CDH12: variants seen among roughly 807,000 people sequenced by gnomAD.
CDH12 encodes cadherin-12.
Under a neutral mutation model 74.1 loss-of-function variants are expected in CDH12, and 41 were observed. The observed-to-expected ratio is 0.55, with a 90% CI of 0.43 to 0.72. The LOEUF is 0.72. Ranked by LOEUF, CDH12 falls within the 30% of genes least tolerant of loss-of-function variation. CDH12 has a pLI of 0.00. For synonymous variants in CDH12, 399 were observed against 355.0 expected (o/e 1.12, Z -1.39); for missense variants, 945 against 977.2 (o/e 0.97, Z 0.44).
chr5:22,688,508 A>G (rs1175867579), intron 1 of CDH12, among the ~76,000 whole-genome samples: 1 of 152,176 alleles, frequency 6.6e-6, no homozygotes, highest in Non-Finnish European at 1.5e-5. Context: ...TCCATTGGCC[A>G]ACTAATAGTG....
chr5:21,997,792 G>A (rs938344995), intron 5 of CDH12, among the ~76,000 whole-genome samples: 17 of 152,026 alleles, frequency 1.1e-4, no homozygotes, highest in Non-Finnish European at 1.3e-4. Context: ...AAGCGAAATC[G>A]ATCTGCAAAT....
At chr5:21,995,435 A>C (rs1050170609) in intron 5 of CDH12, among the ~76,000 whole-genome samples, 55 of 152,132 alleles carry the variant, frequency 3.6e-4, no homozygotes, top group African/African-American at 1.3e-3. Flanking sequence ...GAAGTTAATT[A>C]AATTTTAAAC....
intron 1 of CDH12, among the ~76,000 whole-genome samples, chr5:22,633,689 T>C (rs904871661): frequency 1.3e-5 from 2 of 152,206 alleles, no homozygotes; most frequent in Non-Finnish European, 2.9e-5. Context: ...TGAGAACTCC[T>C]GATTCTCAGG....
chr5:21,854,555 C>T, intron 7 of CDH12, 116 bp downstream of exon 7: 1 of 724,018 alleles, frequency 1.4e-6, no homozygotes, highest in Non-Finnish European at 2.3e-6. Flanking sequence ...GCTTAATGCG[C>T]ATCGCACTGA....
intron 1 of CDH12, among the ~76,000 whole-genome samples, chr5:22,824,124 A>G (rs1561057517): frequency 6.6e-6 from 1 of 152,196 alleles, no homozygotes. Context: ...GCATCAATGG[A>G]AACTAGAAGA....
At chr5:22,060,969 C>T (rs546462204) in intron 5 of CDH12, among the ~76,000 whole-genome samples, 1 of 152,272 alleles carries the variant, frequency 6.6e-6, no homozygotes, top group African/African-American at 2.4e-5. Flanking sequence ...TGAGTCCATT[C>T]TGTTAAGCAC....
intron 3 of CDH12, among the ~76,000 whole-genome samples, chr5:22,308,813 C>CAT (rs747685683): frequency 0.073 from 9,789 of 134,316 alleles, 856 homozygotes; most frequent in African/African-American, 0.2. Context: ...TACACAAACA[C>CAT]ACACACACAC....
intron 1 of CDH12, among the ~76,000 whole-genome samples, chr5:22,812,345 G>A (rs1459572966): frequency 1.3e-5 from 2 of 152,062 alleles, no homozygotes; most frequent in African/African-American, 2.4e-5. Context: ...AGCCTATACA[G>A]GTGTGCACTA....
At chr5:22,207,225 A>G (rs1751272123) in intron 4 of CDH12, among the ~76,000 whole-genome samples, 1 of 151,362 alleles carries the variant, frequency 6.6e-6, no homozygotes, top group African/African-American at 2.4e-5. Flanking sequence ...TCAAAAAAAA[A>G]AAAAAGAAAA....
intron 6 of CDH12, among the ~76,000 whole-genome samples, chr5:21,875,833 T>C (rs1751906481): frequency 6.6e-6 from 1 of 152,094 alleles, no homozygotes; most frequent in Admixed American, 6.6e-5. Context: ...TGCTTCTAAT[T>C]TACTGATATT....
intron 3 of CDH12, among the ~76,000 whole-genome samples, chr5:22,352,652 T>C (rs1031197498): frequency 6.6e-6 from 1 of 152,154 alleles, no homozygotes; most frequent in Non-Finnish European, 1.5e-5. Context: ...TTAATGGTTA[T>C]TGTCATGAAA....
At chr5:21,880,608 C>CTTTCTTTCT (rs1752245258) in intron 6 of CDH12, among the ~76,000 whole-genome samples, 1 of 65,676 alleles carries the variant, frequency 1.5e-5, no homozygotes, top group African/African-American at 6.4e-5. Flanking sequence ...TCCTTCCTTC[C>CTTTCTTTCT]TTCCTTCCTT....
At chr5:21,988,491 CAAAAAAAAAAAAAAAAAA>C (rs1157872208) in intron 5 of CDH12, among the ~76,000 whole-genome samples, 1 of 29,472 alleles carries the variant, frequency 3.4e-5, no homozygotes. Context: ...GACTCCGTCT[CAAAAAAAAAAAAAAAAAA>C]AAAAAAAAAA....
chr5:22,112,476 A>G (rs891962049), intron 4 of CDH12, among the ~76,000 whole-genome samples: 2 of 152,156 alleles, frequency 1.3e-5, no homozygotes, highest in Non-Finnish European at 2.9e-5. Flanking sequence ...TACATGAGCT[A>G]CTAATCCAAA....
intron 1 of CDH12, among the ~76,000 whole-genome samples, chr5:22,685,662 C>A (rs1472747346): frequency 6.6e-6 from 1 of 152,188 alleles, no homozygotes; most frequent in Non-Finnish European, 1.5e-5. Context: ...CGTATGTGGT[C>A]TTTTCTGGCT....
chr5:21,960,429 A>G (rs1025297228), intron 6 of CDH12, among the ~76,000 whole-genome samples: 1 of 152,180 alleles, frequency 6.6e-6, no homozygotes. Flanking sequence ...CATCATTTAG[A>G]AAGCTAAACT....
intron 3 of CDH12, among the ~76,000 whole-genome samples, chr5:22,300,890 A>G (rs1448709794): frequency 2.0e-5 from 3 of 152,230 alleles, no homozygotes; most frequent in African/African-American, 4.8e-5. Flanking sequence ...CCCAAGGTAT[A>G]TAATATTAAG....
In CDH12 at chr5:21,938,746, A is replaced by ATC. The variant is rs1755191977; in HGVS notation, c.526+36344_526+36345insGA. On this transcript the variant is annotated intron_variant, in intron 6 of 14. Coordinates refer to ENST00000382254, the MANE Select transcript of CDH12 (RefSeq NM_004061.5). ...TACATATATATATATATATATATAT[A>ATC]TATCTTCTACATATCAGTGCTCTGT... Among the ~76,000 whole-genome samples the ATC allele has an allele frequency of 4.3e-5, 6 of 138,418 alleles. No homozygotes were observed. In the South Asian group the frequency reaches 1.3e-3, roughly 31 times the overall value. 90.8% of individuals were successfully genotyped at this position (138,418 alleles called of 152,430 possible).
intron 3 of CDH12, among the ~76,000 whole-genome samples, chr5:22,350,727 A>G (rs1045949624): frequency 3.3e-5 from 5 of 152,230 alleles, no homozygotes; most frequent in Non-Finnish European, 5.9e-5. Context: ...TTTGAAAGTC[A>G]TAAGGAAGAC....
Sources: gnomAD v4.1 joint callset for allele counts (sites outside exome capture counted in the v4.1 genomes callset) on GRCh38, gnomAD v4.1.1 for gene constraint, MANE v1.5 for transcripts, NCBI Gene and HGNC (gene_info 2026-07-23, HGNC 2026-07-21) for gene names.